VWF: variants seen among roughly 807,000 people sequenced by gnomAD.
VWF encodes the protein Factor VIII related antigen.
A neutral mutation model predicts 308.6 loss-of-function variants in VWF; 176 were observed. The observed-to-expected ratio is 0.57, with a 90% CI of 0.50 to 0.65. The LOEUF (loss-of-function observed/expected upper bound fraction) is 0.65, where lower values mean the gene tolerates loss of function less well. VWF is among the 30% of genes least tolerant of loss of function. The pLI is 0.00. For missense variants in VWF, 3,146 were observed against 3,648.2 expected, an observed-to-expected ratio of 0.86 and a Z score of 3.55; for synonymous variants, 1,385 against 1,443.4, an observed-to-expected ratio of 0.96 and a Z score of 0.92.
chr12:6,071,152 C>G (rs565975645), intron 10 of VWF, 145 bp downstream of exon 10: 13 of 868,426 alleles, frequency 1.5e-5, no homozygotes, highest in East Asian at 2.5e-5. Context: ...GAAACCAGAG[C>G]TGGGGTCACG....
chr12:6,028,712 A>C (rs1944222085), intron 22 of VWF, among the ~76,000 whole-genome samples: 1 of 152,236 alleles, frequency 6.6e-6, no homozygotes, highest in African/African-American at 2.4e-5. Flanking sequence ...GCAAATGCTG[A>C]GAGATTTTGT....
chr12:6,077,737 G>T (rs1944862147), intron 6 of VWF, among the ~76,000 whole-genome samples: 1 of 152,198 alleles, frequency 6.6e-6, no homozygotes, highest in Admixed American at 6.5e-5. Context: ...TTAGGTCTCA[G>T]GTGGTTACAT....
At chr12:5,957,192 T>C (rs1317253985) in intron 47 of VWF, among the ~76,000 whole-genome samples, 2 of 152,234 alleles carry the variant, frequency 1.3e-5, no homozygotes, top group Non-Finnish European at 2.9e-5. Context: ...CCTAGTTGTA[T>C]AGTAGACCAT....
chr12:5,988,898 T>G (rs1943708429), intron 38 of VWF, among the ~76,000 whole-genome samples: 1 of 152,104 alleles, frequency 6.6e-6, no homozygotes. Flanking sequence ...TGACAAAAGA[T>G]CGGCCTGCAG....
At chr12:6,017,005 T>G (rs1438862890) in intron 28 of VWF, 135 bp from the exon 29 acceptor site, 3 of 911,082 alleles carry the variant, frequency 3.3e-6, no homozygotes, top group Non-Finnish European at 5.4e-6. Flanking sequence ...GGGGGGTGCC[T>G]TCGTGAGTAC....
intron 44 of VWF, among the ~76,000 whole-genome samples, chr12:5,971,159 G>A (rs1943468720): frequency 6.6e-6 from 1 of 152,200 alleles, no homozygotes; most frequent in South Asian, 2.1e-4. Flanking sequence ...TCCTTTTCTG[G>A]GTTGTAAAGG....
chr12:5,972,920 C>T (rs1156353183), intron 43 of VWF, among the ~76,000 whole-genome samples: 1 of 152,158 alleles, frequency 6.6e-6, no homozygotes, highest in African/African-American at 2.4e-5. Flanking sequence ...GTAATTAATA[C>T]CTTTAGGGAT....
At chr12:5,990,722 G>T (rs898459061) in intron 38 of VWF, among the ~76,000 whole-genome samples, 1 of 151,778 alleles carries the variant, frequency 6.6e-6, no homozygotes, top group African/African-American at 2.4e-5. Context: ...ACATGTACAC[G>T]TTCACATGTG....
intron 21 of VWF, among the ~76,000 whole-genome samples, chr12:6,030,987 C>T (rs1005819148): frequency 6.6e-6 from 1 of 152,164 alleles, no homozygotes; most frequent in Non-Finnish European, 1.5e-5. Context: ...AGAGAGATCA[C>T]ACCACTACAC....
chr12:6,062,551 C>T (rs1944665905), intron 13 of VWF, among the ~76,000 whole-genome samples: 1 of 151,998 alleles, frequency 6.6e-6, no homozygotes, highest in South Asian at 2.1e-4. Flanking sequence ...TCCTGAGCAA[C>T]CTTTCCCGGG....
At chr12:6,101,128 A>G (rs1308849114) in intron 5 of VWF, among the ~76,000 whole-genome samples, 1 of 152,238 alleles carries the variant, frequency 6.6e-6, no homozygotes. Flanking sequence ...ACCTCTATTG[A>G]TGGTGGTTAG....
chr12:6,056,723 C>T (rs1288009827), intron 15 of VWF, 134 bp downstream of exon 15: 2 of 769,190 alleles, frequency 2.6e-6, no homozygotes, highest in Non-Finnish European at 3.6e-6. Context: ...ATGAACCGTC[C>T]TCCCCACCCG....
At chr12:6,097,899 A>G (rs755961385) in intron 5 of VWF, among the ~76,000 whole-genome samples, 5 of 152,254 alleles carry the variant, frequency 3.3e-5, no homozygotes, top group Non-Finnish European at 7.3e-5. Flanking sequence ...AGGAAGGGAC[A>G]TAGAGGAGGC....
intron 34 of VWF, among the ~76,000 whole-genome samples, chr12:6,006,838 CAA>C (rs1468394750): frequency 6.6e-6 from 1 of 151,988 alleles, no homozygotes; most frequent in Non-Finnish European, 1.5e-5. Flanking sequence ...GTGCTGTCTA[CAA>C]GAGAGAGACT....
chr12:5,971,587 G>T lies in VWF; in HGVS notation c.7548+12C>A, dbSNP rs374538510. The T allele has an allele frequency of 1.2e-6, 2 of 1,607,978 alleles. No homozygotes were observed. The highest frequency in any genetic ancestry group is 1.7e-6 in the Non-Finnish European group (2 of 1,174,770). On this transcript the variant is annotated intron_variant, in intron 44 of 51. Transcript: ENST00000261405. ...ATCTGCCCTCCTCCCCGTCCCGGGG[G>T]CCTGGACCTACACTCTTCCAGGAAG...
At chr12:5,999,471 TACACACAC>T (rs3062521) in intron 34 of VWF, among the ~76,000 whole-genome samples, 6 of 143,556 alleles carry the variant, frequency 4.2e-5, no homozygotes, top group African/African-American at 1.0e-4. Context: ...TGTACACACA[TACACACAC>T]ACACACACAC....
At chr12:5,973,665 T>C (rs1370775754) in intron 43 of VWF, among the ~76,000 whole-genome samples, 1 of 152,224 alleles carries the variant, frequency 6.6e-6, no homozygotes, top group Non-Finnish European at 1.5e-5. Flanking sequence ...CCCCATTCCC[T>C]GGGGTGGCCC....
At chr12:5,968,480 C>T (rs1943431816) in intron 45 of VWF, among the ~76,000 whole-genome samples, 1 of 152,146 alleles carries the variant, frequency 6.6e-6, no homozygotes, top group Non-Finnish European at 1.5e-5. Flanking sequence ...CAATGAAACG[C>T]TACTCTTGAA....
rs1227933500 is a variant in VWF at position 5,969,410 on chromosome 12, A to G, written c.7549-19T>C. ...AGCCGACCTGCAGGGCACCAGAGTT[A>G]GTCCAACAAGCTGGGGCAGGGCTGG... On this transcript the variant is annotated intron_variant, in intron 44 of 51. Transcript: ENST00000261405. The G allele has an allele frequency of 6.2e-7, 1 of 1,614,124 alleles. No individual in the cohort carries two copies. Among genetic ancestry groups the G allele is most frequent in the Admixed American group, 1.7e-5 (1 of 60,020 alleles).
Sources: gnomAD v4.1 joint callset for allele counts (sites outside exome capture counted in the v4.1 genomes callset) on GRCh38, gnomAD v4.1.1 for gene constraint, MANE v1.5 for transcripts, NCBI Gene and HGNC (gene_info 2026-07-23, HGNC 2026-07-21) for gene names.